ZFHX3: variants seen among roughly 807,000 people sequenced by gnomAD.
The protein encoded by ZFHX3 is zinc finger homeobox 3, also known as zinc finger homeobox protein 3.
In ZFHX3, 42 loss-of-function variants were observed where a neutral mutation model predicts 279.1. The observed-to-expected ratio is 0.15, with a 90% confidence interval of 0.12 to 0.19. ZFHX3 has a LOEUF of 0.19. ZFHX3 is among the 10% of genes least tolerant of loss of function. The probability of loss-of-function intolerance (pLI) is 1.00; values close to 1 mark genes in which losing one functional copy is unlikely to be tolerated. For missense variants in ZFHX3, 4,981 were observed against 4,754.0 expected, an observed-to-expected ratio of 1.05 and a Z score of -1.40; for synonymous variants, 2,293 against 1,957.8, an observed-to-expected ratio of 1.17 and a Z score of -4.52.
At chr16:72,950,343 C>A in intron 3 of ZFHX3, 126 bp downstream of exon 3, 1 of 1,446,138 alleles carries the variant, frequency 6.9e-7, no homozygotes. Context: ...ACTCCAGGTT[C>A]CCAACCAACA....
intron 2 of ZFHX3, among the ~76,000 whole-genome samples, chr16:73,662,566 T>C (rs577620105): frequency 4.4e-4 from 67 of 152,276 alleles, no homozygotes; most frequent in African/African-American, 1.2e-3. Flanking sequence ...AGCCACAGCC[T>C]TCCTGAGGCT....
intron 2 of ZFHX3, among the ~76,000 whole-genome samples, chr16:73,525,653 G>T (rs777557584): frequency 2.0e-5 from 3 of 152,222 alleles, no homozygotes; most frequent in Admixed American, 1.3e-4. Context: ...CACCATAAAA[G>T]GTAAAAGGAT....
intron 2 of ZFHX3, among the ~76,000 whole-genome samples, chr16:73,595,977 T>TTTTAATTTTA (rs2052045140): frequency 3.0e-5 from 4 of 135,404 alleles, no homozygotes; most frequent in African/African-American, 1.1e-4. Flanking sequence ...GACCATTACT[T>TTTTAATTTTA]TTTTATTTTA....
At chr16:72,905,547 C>T (rs549026786) in intron 3 of ZFHX3, among the ~76,000 whole-genome samples, 1 of 152,274 alleles carries the variant, frequency 6.6e-6, no homozygotes, top group East Asian at 1.9e-4. Context: ...ACGATCAAGA[C>T]CACAGAAGAA....
At chr16:73,662,462 G>C (rs1449382824) in intron 2 of ZFHX3, among the ~76,000 whole-genome samples, 1 of 144,614 alleles carries the variant, frequency 6.9e-6, no homozygotes, top group Non-Finnish European at 1.5e-5. Flanking sequence ...TGGGATGTCA[G>C]AAAACACTTT....
chr16:72,988,644 A>C (rs1406240877), intron 1 of ZFHX3, among the ~76,000 whole-genome samples: 1 of 152,262 alleles, frequency 6.6e-6, no homozygotes, highest in Non-Finnish European at 1.5e-5. Context: ...GGGTTCACCC[A>C]GTCTTTCAAT....
chr16:73,355,241 C>CCTTTT (rs2016318545), intron 3 of ZFHX3, among the ~76,000 whole-genome samples: 1 of 152,184 alleles, frequency 6.6e-6, no homozygotes, highest in Non-Finnish European at 1.5e-5. Context: ...CTCTTTTCTG[C>CCTTTT]CTTTTCTTCT....
At chr16:73,544,717 G>C (rs1218757906) in intron 2 of ZFHX3, among the ~76,000 whole-genome samples, 2 of 152,114 alleles carry the variant, frequency 1.3e-5, no homozygotes, top group Non-Finnish European at 2.9e-5. Flanking sequence ...AGTGAGACGG[G>C]GTTTTCGGGT....
Position 73,015,487 on chromosome 16 carries a change from A to C in ZFHX3, c.-50+32265T>G, listed in dbSNP as rs74403979. ...AACAACAGAAAAACAGTAGTTGGAC[A>C]AAGAGTTTGTGTGTGCTACATGTTT... is the stretch of plus-strand genomic sequence containing the variant. On this transcript the variant is annotated intron_variant, in intron 1 of 9. Transcript: ENST00000268489. 182 of 152,374 alleles carry C rather than the reference A, an allele frequency of 1.2e-3. 1 individual carries two copies. Among genetic ancestry groups the C allele is most frequent in the African/African-American group, 4.0e-3 (166 of 41,586 alleles). 9.4% of individuals were successfully genotyped at this position (152,374 alleles called of 1,614,324 possible).
intron 2 of ZFHX3, among the ~76,000 whole-genome samples, chr16:73,597,849 G>C (rs904133273): frequency 6.6e-6 from 1 of 152,224 alleles, no homozygotes. Context: ...GCAAACCTGG[G>C]AAGCTAACAC....
intron 1 of ZFHX3, among the ~76,000 whole-genome samples, chr16:73,807,103 G>A (rs1053610654): frequency 6.6e-6 from 1 of 152,180 alleles, no homozygotes; most frequent in Non-Finnish European, 1.5e-5. Context: ...TCAGAGAAAG[G>A]GAGTGGCCAC....
At chr16:72,964,407 T>C (rs1455219581) in intron 1 of ZFHX3, among the ~76,000 whole-genome samples, 8 of 152,194 alleles carry the variant, frequency 5.3e-5, no homozygotes, top group Non-Finnish European at 1.2e-4. Flanking sequence ...ATACAGATGC[T>C]AAATGAACAC....
At chr16:72,887,171 A>G (rs1245217379) in intron 4 of ZFHX3, among the ~76,000 whole-genome samples, 1 of 152,334 alleles carries the variant, frequency 6.6e-6, no homozygotes, top group East Asian at 1.9e-4. Context: ...AGGAGCAGTC[A>G]GATGATCCAG....
chr16:73,687,678 C>A (rs1344391516), intron 1 of ZFHX3, among the ~76,000 whole-genome samples: 10 of 151,622 alleles, frequency 6.6e-5, no homozygotes, highest in Non-Finnish European at 1.2e-4. Context: ...CCCGTCTCTG[C>A]TAAAAATACA....
At chr16:73,344,016 A>G (rs550469548) in intron 3 of ZFHX3, among the ~76,000 whole-genome samples, 1 of 152,358 alleles carries the variant, frequency 6.6e-6, no homozygotes, top group South Asian at 2.1e-4. Context: ...GTGCCCATGG[A>G]TGCTAAAACT....
At chr16:73,679,286 T>C (rs1337931846) in intron 2 of ZFHX3, among the ~76,000 whole-genome samples, 1 of 152,176 alleles carries the variant, frequency 6.6e-6, no homozygotes, top group Non-Finnish European at 1.5e-5. Flanking sequence ...TGTCGCCATT[T>C]TCAAATCAGA....
rs1156523996 is a variant in ZFHX3, at chr16:73,170,223, G to GTTTTTTTTTTTTTTTTTTTTTTTT, written c.-1103-26416_-1103-26393dup. ...TTTTTGAAGCATCTTCCTTTCACTAGTTTTTTTTTTTTTTTTTTTTTTTTT... is the reference window on the plus strand; with the variant it reads ...TTTTTGAAGCATCTTCCTTTCACTAGTTTTTTTTTTTTTTTTTTTTTTTTTTTTTTTTTTTTTTTTTTTTTTTTT... On this transcript the variant is annotated intron_variant, in intron 5 of 17. Transcript: ENST00000641206. Among the ~76,000 whole-genome samples the GTTTTTTTTTTTTTTTTTTTTTTTT allele has an allele frequency of 1.7e-4, 10 of 57,746 alleles. 3 individuals carry two copies. The highest frequency in any genetic ancestry group is 3.6e-4 in the African/African-American group (5 of 13,728). The allele number at this position is 57,746 out of a possible 152,430, so 37.9% of individuals were successfully genotyped here.
chr16:72,976,988 C>G (rs1403390011), intron 1 of ZFHX3, among the ~76,000 whole-genome samples: 1 of 152,218 alleles, frequency 6.6e-6, no homozygotes, highest in African/African-American at 2.4e-5. Context: ...CATTTCCTGA[C>G]AGCCCAACAT....
intron 2 of ZFHX3, among the ~76,000 whole-genome samples, chr16:73,468,455 G>A (rs1048895552): frequency 1.3e-5 from 2 of 152,176 alleles, no homozygotes; most frequent in African/African-American, 4.8e-5. Context: ...AAAAAAATTA[G>A]CTAGGCGTGG....
Sources: allele counts gnomAD v4.1 joint callset (sites outside exome capture counted in the v4.1 genomes callset), GRCh38; gene constraint gnomAD v4.1.1; transcripts MANE v1.5; gene names NCBI Gene and HGNC (gene_info 2026-07-23, HGNC 2026-07-21).